Variants in PKD2 observed in about 807,000 individuals in gnomAD.
PKD2 encodes polycystin-2.
PKD2 carries 48 observed loss-of-function variants against 105.9 expected under a neutral mutation model. That is an observed-to-expected ratio of 0.45 (90% CI 0.36 to 0.58). PKD2 has a LOEUF of 0.58. PKD2 is among the 20% of genes least tolerant of loss of function. PKD2 has a pLI of 0.00. For synonymous variants in PKD2, 464 were observed against 481.1 expected (o/e 0.96, Z 0.46); for missense variants, 1,078 against 1,255.3 (o/e 0.86, Z 2.13).
chr4:88,038,534 TATTC>T (rs1484553499), intron 4 of PKD2, 33 bp downstream of exon 4: 9 of 1,609,384 alleles, frequency 5.6e-6, no homozygotes, highest in Non-Finnish European at 6.8e-6. Flanking sequence ...CACTCGGTGA[TATTC>T]ATTCATTTAT....
At chr4:88,061,190 C>G (rs1401096698) in intron 9 of PKD2, among the ~76,000 whole-genome samples, 3 of 152,154 alleles carry the variant, frequency 2.0e-5, no homozygotes, top group Admixed American at 2.0e-4. Context: ...TCTGTGTTAA[C>G]TGTTGAAATT....
intron 13 of PKD2, among the ~76,000 whole-genome samples, chr4:88,070,245 C>T (rs1359981878): frequency 1.3e-5 from 2 of 152,080 alleles, no homozygotes; most frequent in African/African-American, 4.8e-5. Flanking sequence ...TCAATTTTCT[C>T]TCACCACTTT....
chr4:88,053,817 C>T lies in PKD2; in HGVS notation c.1716+1659C>T, dbSNP rs533145071. ...AAATAATAATAGTAATAAGAATGTTCTGTGGTGATGGAAATGTTCTATATT... is the reference window on the plus strand; with the variant it reads ...AAATAATAATAGTAATAAGAATGTTTTGTGGTGATGGAAATGTTCTATATT... On this transcript the variant is annotated intron_variant, in intron 7 of 14. Coordinates refer to ENST00000237596, the MANE Select transcript of PKD2 (RefSeq NM_000297.4). 2.0e-5 allele frequency among the ~76,000 whole-genome samples: 3 copies of T among 152,086 alleles called. No homozygotes were observed. The South Asian group carries it at 6.2e-4, about 32-fold the overall frequency.
intron 5 of PKD2, among the ~76,000 whole-genome samples, chr4:88,043,927 G>A (rs143372531): frequency 5.3e-5 from 8 of 152,172 alleles, no homozygotes; most frequent in Non-Finnish European, 7.3e-5. Flanking sequence ...TTACCTGCTC[G>A]TGCTCAGGGC....
intron 13 of PKD2, among the ~76,000 whole-genome samples, chr4:88,072,126 G>T (rs1721059998): frequency 6.6e-6 from 1 of 151,798 alleles, no homozygotes; most frequent in Admixed American, 6.6e-5. Flanking sequence ...AGGACTACAG[G>T]TGCACGCCAC....
intron 9 of PKD2, among the ~76,000 whole-genome samples, chr4:88,061,606 C>T (rs1720572924): frequency 6.6e-6 from 1 of 151,964 alleles, no homozygotes; most frequent in Non-Finnish European, 1.5e-5. Context: ...GGTGTAGTGG[C>T]ACATGCCTGT....
At chr4:88,032,576 G>C (rs1425054086) in intron 2 of PKD2, among the ~76,000 whole-genome samples, 3 of 152,310 alleles carry the variant, frequency 2.0e-5, no homozygotes, top group East Asian at 1.9e-4. Context: ...ATGTACAGAT[G>C]TATGTGTCCT....
At chr4:88,057,429 G>GT (rs1203371607) in intron 8 of PKD2, among the ~76,000 whole-genome samples, 1 of 148,134 alleles carries the variant, frequency 6.8e-6, no homozygotes, top group Non-Finnish European at 1.5e-5. Context: ...AATAATAATT[G>GT]TATTTTCTTT....
In PKD2 at chr4:88,007,929, G is replaced by A. The variant is rs763629363; in HGVS notation, c.196G>A (p.Asp66Asn). The A allele has an allele frequency of 5.5e-6, 8 of 1,448,296 alleles. No homozygotes were observed. The highest frequency in any genetic ancestry group is 7.3e-6 in the Non-Finnish European group (8 of 1,097,406). 89.7% of individuals were successfully genotyped at this position (1,448,296 alleles called of 1,614,324 possible). ...MQRIRQAAAR[D>N]PPAGAAASPS... is the part of the protein sequence containing the mutation. ...GCGCATCCGGCAGGCGGCCGCGCGGGACCCCCCGGCCGGAGCCGCGGCCTC... is the reference window on the plus strand; with the variant it reads ...GCGCATCCGGCAGGCGGCCGCGCGGAACCCCCCGGCCGGAGCCGCGGCCTC... Residue 66 changes from aspartate (D) to asparagine (N), a missense_variant, in exon 1 of 15, where the codon GAC becomes AAC. Coordinates refer to ENST00000237596, the MANE Select transcript of PKD2 (RefSeq NM_000297.4).
chr4:88,029,262 A>G (rs946742821), intron 2 of PKD2, among the ~76,000 whole-genome samples: 12 of 152,150 alleles, frequency 7.9e-5, no homozygotes, highest in Admixed American at 5.2e-4. Context: ...TTTCTGAAGC[A>G]TGTTTACACA....
At chr4:88,050,351 A>C (rs1217974725) in intron 6 of PKD2, among the ~76,000 whole-genome samples, 1 of 152,160 alleles carries the variant, frequency 6.6e-6, no homozygotes, top group African/African-American at 2.4e-5. Context: ...CTGGGGATAC[A>C]GGAATGAACA....
chr4:88,054,455 G>A (rs1295061428), intron 7 of PKD2, among the ~76,000 whole-genome samples: 6 of 151,130 alleles, frequency 4.0e-5, no homozygotes, highest in Non-Finnish European at 5.9e-5. Context: ...TAATGATTAA[G>A]TAATGTGATT....
At chr4:88,074,661 G>A (rs1286478520) in intron 13 of PKD2, 151 bp from the exon 14 acceptor site, 5 of 827,590 alleles carry the variant, frequency 6.0e-6, no homozygotes, top group African/African-American at 3.4e-5. Context: ...GCATCCGAGA[G>A]TTAATCTGTA....
chr4:88,013,218 G>A (rs1338149806), intron 1 of PKD2, among the ~76,000 whole-genome samples: 2 of 152,074 alleles, frequency 1.3e-5, no homozygotes, highest in Non-Finnish European at 2.9e-5. Context: ...ACCCTTTGGG[G>A]TTGTGGTAAG....
chr4:88,054,695 C>T (rs1720256086), intron 7 of PKD2, among the ~76,000 whole-genome samples: 1 of 143,680 alleles, frequency 7.0e-6, no homozygotes, highest in African/African-American at 2.7e-5. Context: ...TGCTCTGTCG[C>T]CCAGGCTGGA....
chr4:88,029,793 C>T (rs1463510239), intron 2 of PKD2, among the ~76,000 whole-genome samples: 2 of 152,168 alleles, frequency 1.3e-5, no homozygotes, highest in Non-Finnish European at 2.9e-5. Context: ...AGAATGAAAA[C>T]GAGTCAGACG....
intron 13 of PKD2, among the ~76,000 whole-genome samples, chr4:88,074,532 T>G (rs1022187770): frequency 2.0e-5 from 3 of 152,208 alleles, no homozygotes; most frequent in Non-Finnish European, 4.4e-5. Context: ...TATAAAATTT[T>G]CCTTTAGAAA....
chr4:88,054,089 GTAA>G (rs1452813695), intron 7 of PKD2, among the ~76,000 whole-genome samples: 1 of 151,754 alleles, frequency 6.6e-6, no homozygotes, highest in African/African-American at 2.4e-5. Context: ...AATCAAGATA[GTAA>G]TAATAATCAA....
Position 88,061,830 on chromosome 4 carries a change from T to C in PKD2, c.2020-76T>C, listed in dbSNP as rs916310772. ...GAAAAAAAGGATAAACAAAAAGGCA[T>C]GTGTCATTTTTTTGATTGATAATTC... On this transcript the variant is annotated intron_variant, in intron 9 of 14. Transcript: ENST00000237596. 14 of 768,980 alleles carry C rather than the reference T, an allele frequency of 1.8e-5. No individual in the cohort carries two copies. In the African/African-American group the frequency reaches 2.0e-4, roughly 11 times the overall value. The allele number at this position is 768,980 out of a possible 1,614,324, so 47.6% of individuals were successfully genotyped here. A position where few individuals can be genotyped will look rare whatever the true frequency, so the allele number is the denominator to read the frequency against.
Sources: gnomAD v4.1 joint callset for allele counts (sites outside exome capture counted in the v4.1 genomes callset) on GRCh38, gnomAD v4.1.1 for gene constraint, MANE v1.5 for transcripts, NCBI Gene and HGNC (gene_info 2026-07-23, HGNC 2026-07-21) for gene names.